The following SLC15A1 variants were observed in gnomAD, a reference collection of about 807,000 sequenced individuals.
SLC15A1 encodes Caco-2 oligopeptide transporter.
SLC15A1 carries 83 observed loss-of-function variants against 92.9 expected under a neutral mutation model. That is an observed-to-expected ratio of 0.89 (90% CI 0.75 to 1.07). The LOEUF is 1.07. Ranked by LOEUF, SLC15A1 falls within the 50% of genes least tolerant of loss-of-function variation. The probability of loss-of-function intolerance (pLI) is 0.00; values close to 1 mark genes in which losing one functional copy is unlikely to be tolerated. For synonymous variants in SLC15A1, 322 were observed against 318.2 expected, an observed-to-expected ratio of 1.01 and a Z score of -0.13; for missense variants, 857 against 880.1, an observed-to-expected ratio of 0.97 and a Z score of 0.33.
chr13:98,707,336 GAC>G (rs1467712735), intron 15 of SLC15A1, among the ~76,000 whole-genome samples: 1 of 152,138 alleles, frequency 6.6e-6, no homozygotes, highest in Non-Finnish European at 1.5e-5. Flanking sequence ...AGGAAATTCT[GAC>G]ACAGTCTACA....
Position 98,723,986 on chromosome 13 carries a change from G to T in SLC15A1, c.291C>A (p.Val97=). 2 of 1,614,166 alleles carry T rather than the reference G, an allele frequency of 1.2e-6. No homozygotes were observed. Among genetic ancestry groups the T allele is most frequent in the Non-Finnish European group, 1.7e-6 (2 of 1,180,018 alleles). ...GGTCATTAATGGAGCTTACTGAGGT[G>T]ACTGCTTGTCCAATTGTGTAGACAA... is the stretch of plus-strand genomic sequence containing the variant. The part of the protein sequence containing the change: ...LSIVYTIGQA[V]TSVSSINDLT... Residue 97 remains valine (V), a synonymous_variant, in exon 5 of 23, where the codon GTC becomes GTA. Coordinates refer to ENST00000376503, the MANE Select transcript of SLC15A1 (RefSeq NM_005073.4).
chr13:98,708,738 A>G lies in SLC15A1; in HGVS notation c.1097T>C (p.Val366Ala). The change falls in exon 15 of 23, where the codon GTC (valine) becomes GCC (alanine). Residue 366 changes from valine (V) to alanine (A), a missense_variant. Physicochemically the swap from Val to Ala is moderately conservative, Grantham distance 64. Coordinates refer to ENST00000376503, the MANE Select transcript of SLC15A1 (RefSeq NM_005073.4). ...TSLKKMAVGMVLASMAFVVAA... is the reference protein window; with the variant it reads ...TSLKKMAVGMALASMAFVVAA... ...CACCACAAAGGCCATGGAGGCCAGG[A>G]CCATGCCAACTGCCATCTTCTTCAA... 1.2e-6 allele frequency: 2 copies of G among 1,612,898 alleles called. No homozygotes were observed. Among genetic ancestry groups the G allele is most frequent in the African/African-American group, 1.3e-5 (1 of 74,996 alleles).
In SLC15A1 at chr13:98,721,818, A is replaced by T. The variant is rs141760518; in HGVS notation, c.451T>A (p.Phe151Ile). The T allele has an allele frequency of 2.0e-5, 32 of 1,613,958 alleles. No homozygotes were observed. Among genetic ancestry groups the T allele is most frequent in the Admixed American group, 8.3e-5 (5 of 59,992 alleles). The change falls in exon 6 of 23, where the codon TTT (phenylalanine) becomes ATT (isoleucine). Residue 151 changes from phenylalanine to isoleucine, a missense_variant. By Grantham distance (21) the Phe-to-Ile change is conservative. Coordinates refer to ENST00000376503, the MANE Select transcript of SLC15A1 (RefSeq NM_005073.4). ...CCTACCCTTACCTGGCCCTCTTCAA[A>T]CTGATCTCCACCAAACGCAGACACA... ...PCVSAFGGDQFEEGQEKQRNR... is the reference protein window; with the variant it reads ...PCVSAFGGDQIEEGQEKQRNR...
chr13:98,720,916 G>T lies in SLC15A1; in HGVS notation c.556+579C>A, dbSNP rs2088252153. On this transcript the variant is annotated intron_variant, in intron 7 of 22. Transcript: ENST00000376503. Reference sequence around the variant, plus strand: ...ATACAAAAAATATTATCCGGGCATGGTGGCAGGCGCCTGTTGTCCCAGCTA... The same window carrying T: ...ATACAAAAAATATTATCCGGGCATGTTGGCAGGCGCCTGTTGTCCCAGCTA... 2.3e-5 allele frequency: 8 copies of T among 351,630 alleles called. No homozygotes were observed. The Admixed American group carries it at 3.0e-4, about 13-fold the overall frequency. The allele number at this position is 351,630 out of a possible 1,614,324, so 21.8% of individuals were successfully genotyped here. A position where few individuals can be genotyped will look rare whatever the true frequency, so the allele number is the denominator to read the frequency against.
intron 11 of SLC15A1, 60 bp from the exon 12 acceptor site, chr13:98,709,971 G>T: frequency 1.3e-6 from 2 of 1,515,906 alleles, no homozygotes; most frequent in Non-Finnish European, 1.8e-6. Flanking sequence ...AATTTTACAA[G>T]TCAATGGTGA....
intron 18 of SLC15A1, among the ~76,000 whole-genome samples, chr13:98,693,087 GTTTTTTTT>G (rs55817470): frequency 3.4e-5 from 2 of 58,048 alleles, no homozygotes; most frequent in South Asian, 7.3e-4. Flanking sequence ...TATTGTCTAC[GTTTTTTTT>G]TTTTTTTTTT....
At chr13:98,689,951 C>A (rs1249555387) in intron 18 of SLC15A1, among the ~76,000 whole-genome samples, 3 of 152,176 alleles carry the variant, frequency 2.0e-5, no homozygotes, top group Non-Finnish European at 2.9e-5. Context: ...CTTCATAGGA[C>A]CATACAGATG....
intron 1 of SLC15A1, among the ~76,000 whole-genome samples, chr13:98,742,723 C>T (rs952843345): frequency 6.6e-5 from 10 of 152,130 alleles, no homozygotes; most frequent in Non-Finnish European, 1.2e-4. Flanking sequence ...ACTCACGTGG[C>T]GCTTGCCCTG....
At chr13:98,707,190 G>A (rs1221393567) in intron 15 of SLC15A1, among the ~76,000 whole-genome samples, 2 of 151,750 alleles carry the variant, frequency 1.3e-5, no homozygotes, top group Admixed American at 6.6e-5. Flanking sequence ...CAAGAGGAGC[G>A]TGAGTACAGC....
intron 18 of SLC15A1, among the ~76,000 whole-genome samples, chr13:98,696,738 G>A (rs1593982545): frequency 6.6e-6 from 1 of 152,136 alleles, no homozygotes; most frequent in Non-Finnish European, 1.5e-5. Context: ...AAGGGGTGAG[G>A]GGCTGAATGG....
At chr13:98,744,367 T>C (rs2088475122) in intron 1 of SLC15A1, among the ~76,000 whole-genome samples, 1 of 148,818 alleles carries the variant, frequency 6.7e-6, no homozygotes, top group Non-Finnish European at 1.5e-5. Context: ...TGGTAAATCA[T>C]GACTAGAAAA....
chr13:98,733,073 G>A (rs1231195421), intron 1 of SLC15A1, among the ~76,000 whole-genome samples: 1 of 152,162 alleles, frequency 6.6e-6, no homozygotes, highest in African/African-American at 2.4e-5. Flanking sequence ...CAATTGTTGG[G>A]GGAGGGGTCC....
intron 1 of SLC15A1, among the ~76,000 whole-genome samples, chr13:98,731,711 G>A (rs778435170): frequency 3.9e-5 from 6 of 152,036 alleles, no homozygotes; most frequent in Non-Finnish European, 5.9e-5. Context: ...TTCCAGAGTC[G>A]TCCTTTTGTC....
intron 8 of SLC15A1, among the ~76,000 whole-genome samples, chr13:98,718,796 C>A (rs905927073): frequency 3.9e-5 from 6 of 152,154 alleles, no homozygotes; most frequent in African/African-American, 1.4e-4. Flanking sequence ...GCGACAAGAG[C>A]AAGACTCTGT....
chr13:98,704,236 G>T (rs2088092860), intron 17 of SLC15A1, 53 bp downstream of exon 17: 5 of 1,498,746 alleles, frequency 3.3e-6, no homozygotes, highest in Non-Finnish European at 4.4e-6. Context: ...AAAAATTTTG[G>T]CCTCCAGTAT....
intron 1 of SLC15A1, among the ~76,000 whole-genome samples, chr13:98,749,321 T>TG (rs1474284257): frequency 6.6e-6 from 1 of 152,198 alleles, no homozygotes; most frequent in Non-Finnish European, 1.5e-5. Context: ...TGAGATCTGG[T>TG]GGGGCAGGAA....
intron 1 of SLC15A1, among the ~76,000 whole-genome samples, chr13:98,747,570 T>C (rs2088503728): frequency 6.6e-6 from 1 of 151,972 alleles, no homozygotes; most frequent in East Asian, 1.9e-4. Flanking sequence ...CAAAGGGCAG[T>C]AGAAAAAAAT....
At chr13:98,702,677 C>T (rs1768042) in intron 17 of SLC15A1, 148 bp from the exon 18 acceptor site, 411,839 of 640,124 alleles carry the variant, frequency 0.64, 137,038 homozygotes, top group African/African-American at 0.83. Flanking sequence ...CTCTGGAGGC[C>T]GGGCACAGTA....
chr13:98,729,795 G>A (rs1230929431), intron 1 of SLC15A1, among the ~76,000 whole-genome samples: 1 of 152,182 alleles, frequency 6.6e-6, no homozygotes, highest in Non-Finnish European at 1.5e-5. Flanking sequence ...GGGCCCTCCA[G>A]GCTTCACCAC....
Sources: gnomAD v4.1 joint callset for allele counts (sites outside exome capture counted in the v4.1 genomes callset) on GRCh38, gnomAD v4.1.1 for gene constraint, MANE v1.5 for transcripts, NCBI Gene and HGNC (gene_info 2026-07-23, HGNC 2026-07-21) for gene names.